The following PPP1R3A variants were observed in gnomAD, a reference collection of about 807,000 sequenced individuals.
The protein encoded by PPP1R3A is protein phosphatase 1 regulatory subunit 3A.
PPP1R3A carries 29 observed loss-of-function variants against 41.7 expected under a neutral mutation model. That is an observed-to-expected ratio of 0.70 (90% CI 0.52 to 0.95). PPP1R3A has a LOEUF of 0.95. Ranked by LOEUF, PPP1R3A falls within the 40% of genes least tolerant of loss-of-function variation. PPP1R3A has a pLI of 0.00. For missense variants in PPP1R3A, 1,352 were observed against 1,292.4 expected (o/e 1.05, Z -0.71); for synonymous variants, 485 against 453.4 (o/e 1.07, Z -0.89).
rs980013688 is a variant in PPP1R3A, at chr7:113,907,338, C to T, written c.782+10877G>A. On this transcript the variant is annotated intron_variant, in intron 1 of 3. Coordinates refer to ENST00000284601, the MANE Select transcript of PPP1R3A (RefSeq NM_002711.4). ...CACTACTTTATTGAGATTTAATATC[C>T]TTTACTGTTCACAAATGGTTACCTG... 2.6e-5 allele frequency among the ~76,000 whole-genome samples: 4 copies of T among 151,658 alleles called. No individual in the cohort carries two copies. The South Asian group carries it at 6.2e-4, about 24-fold the overall frequency.
At position 113,879,476 on chromosome 7, in the gene PPP1R3A, T is replaced by G. The variant is rs759223360; in HGVS notation, c.1616A>C (p.His539Pro). 21 of 1,613,290 alleles carry G rather than the reference T, an allele frequency of 1.3e-5. No individual in the cohort carries two copies. The highest frequency in any genetic ancestry group is 1.8e-5 in the Non-Finnish European group (21 of 1,179,654). The change falls in exon 4 of 4, where the codon CAT becomes CCT. Residue 539 changes from histidine to proline, a missense_variant. His to Pro is a moderately conservative substitution (Grantham distance 77, BLOSUM62 -2). Coordinates refer to ENST00000284601, the MANE Select transcript of PPP1R3A (RefSeq NM_002711.4). ...KQRKNFQTIL[H>P]DQERKMGNPK... ...GTTACCCATCTTCCTTTCTTGGTCA[T>G]GTAAGATTGTTTGGAAATTTTTTCT...
At chr7:113,902,709 C>T (rs1291721688) in intron 1 of PPP1R3A, among the ~76,000 whole-genome samples, 2 of 151,804 alleles carry the variant, frequency 1.3e-5, no homozygotes, top group African/African-American at 2.4e-5. Context: ...GAAGTGCATT[C>T]TTTTGAGAAA....
At chr7:113,892,177 A>T (rs759384153) in intron 1 of PPP1R3A, among the ~76,000 whole-genome samples, 21 of 152,060 alleles carry the variant, frequency 1.4e-4, no homozygotes, top group Non-Finnish European at 2.5e-4. Flanking sequence ...AAAGCTTGTG[A>T]TCTCATTTCT....
intron 1 of PPP1R3A, among the ~76,000 whole-genome samples, chr7:113,901,157 A>T (rs1397718341): frequency 6.6e-6 from 1 of 151,706 alleles, no homozygotes; most frequent in Non-Finnish European, 1.5e-5. Flanking sequence ...GCATGTGTTC[A>T]TCCACACTTT....
rs892186853 is a variant in PPP1R3A, at chr7:113,878,194, G to A, written c.2898C>T (p.His966=). The change falls in exon 4 of 4, where the codon CAC becomes CAT. Residue 966 remains histidine, a synonymous_variant. Transcript: ENST00000284601. ...STREIQGIEK[H]PYPESKPEEV... is the part of the protein sequence containing the mutation. ...CTTCAGGTTTAGACTCAGGATAAGG[G>A]TGCTTCTCAATACCCTGGATTTCTC... 1 of 1,613,264 alleles carries A rather than the reference G, an allele frequency of 6.2e-7. No individual in the cohort carries two copies. The highest frequency in any genetic ancestry group is 1.3e-5 in the African/African-American group (1 of 74,962).
intron 1 of PPP1R3A, among the ~76,000 whole-genome samples, chr7:113,886,254 C>T (rs1471081034): frequency 6.6e-6 from 1 of 152,002 alleles, no homozygotes; most frequent in Non-Finnish European, 1.5e-5. Context: ...CCCACAATTC[C>T]CACAGTGTCA....
chr7:113,897,969 A>G (rs1196279168), intron 1 of PPP1R3A, among the ~76,000 whole-genome samples: 3 of 151,764 alleles, frequency 2.0e-5, no homozygotes, highest in African/African-American at 7.2e-5. Flanking sequence ...TTATGTTGAT[A>G]AGGATAGGGA....
At chr7:113,904,378 G>T (rs1204761487) in intron 1 of PPP1R3A, among the ~76,000 whole-genome samples, 1 of 151,696 alleles carries the variant, frequency 6.6e-6, no homozygotes, top group Non-Finnish European at 1.5e-5. Context: ...TAACTGTGAA[G>T]TAATGGGAGA....
At chr7:113,915,163 A>C (rs78051086) in intron 1 of PPP1R3A, among the ~76,000 whole-genome samples, 1,679 of 152,162 alleles carry the variant, frequency 0.011, 15 homozygotes, top group Admixed American at 0.017. Context: ...CTTTCTGTCC[A>C]AAGTGTACAG....
chr7:113,912,716 T>C (rs1028189917), intron 1 of PPP1R3A, among the ~76,000 whole-genome samples: 2 of 152,168 alleles, frequency 1.3e-5, no homozygotes, highest in Non-Finnish European at 2.9e-5. Flanking sequence ...TCTTTTCTTT[T>C]CTTTTTTTGC....
At chr7:113,905,314 TGA>T (rs1458565829) in intron 1 of PPP1R3A, among the ~76,000 whole-genome samples, 1 of 151,756 alleles carries the variant, frequency 6.6e-6, no homozygotes, top group Non-Finnish European at 1.5e-5. Context: ...CTATTCCATT[TGA>T]GTTTGTCAAT....
At chr7:113,892,600 A>T (rs7456289) in intron 1 of PPP1R3A, among the ~76,000 whole-genome samples, 147,244 of 152,072 alleles carry the variant, frequency 0.97, 71,439 homozygotes, top group East Asian at 1. Flanking sequence ...CAAAAGTGGA[A>T]GAGGAACATT....
chr7:113,915,764 A>C (rs573611408), intron 1 of PPP1R3A, among the ~76,000 whole-genome samples: 76 of 151,884 alleles, frequency 5.0e-4, no homozygotes, highest in Non-Finnish European at 9.3e-4. Context: ...AGTAGCTATA[A>C]TTTTTGATCA....
intron 1 of PPP1R3A, among the ~76,000 whole-genome samples, chr7:113,915,200 C>A (rs918807085): frequency 2.6e-5 from 4 of 152,000 alleles, no homozygotes; most frequent in African/African-American, 7.2e-5. Context: ...AGAAAATAGA[C>A]AACCCACACC....
chr7:113,905,158 T>A (rs543717854), intron 1 of PPP1R3A, among the ~76,000 whole-genome samples: 1 of 151,646 alleles, frequency 6.6e-6, no homozygotes, highest in Non-Finnish European at 1.5e-5. Flanking sequence ...TTAATTGATG[T>A]ATAATAGATG....
chr7:113,882,006 C>T, intron 3 of PPP1R3A, 33 bp downstream of exon 3: 1 of 1,610,136 alleles, frequency 6.2e-7, no homozygotes, highest in Non-Finnish European at 8.5e-7. Flanking sequence ...ATGGATTCAT[C>T]TTCTCTAATA....
chr7:113,916,632 T>A (rs1797347705), intron 1 of PPP1R3A, among the ~76,000 whole-genome samples: 1 of 152,058 alleles, frequency 6.6e-6, no homozygotes, highest in African/African-American at 2.4e-5. Flanking sequence ...GCTGCGCCTT[T>A]TCTAAATTTT....
At position 113,887,710 on chromosome 7, in the gene PPP1R3A, C is replaced by T. The variant is rs148273301; in HGVS notation, c.783-5390G>A. ...ATACAGCCATTGTAGGCAGAGGGAA[C>T]AACAGGTCGCCAAAGACAAGACTAA... On this transcript the variant is annotated intron_variant, in intron 1 of 3. Transcript: ENST00000284601. Among the ~76,000 whole-genome samples the T allele has an allele frequency of 3.9e-3, 591 of 152,116 alleles. 19 individuals carry two copies. The highest frequency in any genetic ancestry group is 0.037 in the Admixed American group (561 of 15,256).
chr7:113,891,115 C>G (rs557383822), intron 1 of PPP1R3A, among the ~76,000 whole-genome samples: 64 of 93,016 alleles, frequency 6.9e-4, no homozygotes, highest in African/African-American at 3.6e-3. Flanking sequence ...AAAAAAAAAA[C>G]CCTGCATGCA....
Sources: allele counts gnomAD v4.1 joint callset (sites outside exome capture counted in the v4.1 genomes callset), GRCh38; gene constraint gnomAD v4.1.1; transcripts MANE v1.5; gene names NCBI Gene and HGNC (gene_info 2026-07-23, HGNC 2026-07-21).